The following PRR16 variants were observed in gnomAD, a reference collection of about 807,000 sequenced individuals.
The protein encoded by PRR16 is protein Largen.
PRR16 carries 6 observed loss-of-function variants against 18.2 expected under a neutral mutation model. The observed-to-expected ratio is 0.33, with a 90% CI of 0.18 to 0.65. The LOEUF is 0.65. Ranked by LOEUF, PRR16 falls within the 30% of genes least tolerant of loss-of-function variation. The probability of loss-of-function intolerance (pLI) is 0.74; values close to 1 mark genes in which losing one functional copy is unlikely to be tolerated. For missense variants in PRR16, 412 were observed against 376.6 expected (o/e 1.09, Z -0.78); for synonymous variants, 151 against 147.8 (o/e 1.02, Z -0.16).
chr5:120,649,341 G>A (rs1432785551), intron 1 of PRR16, among the ~76,000 whole-genome samples: 3 of 152,088 alleles, frequency 2.0e-5, no homozygotes, highest in African/African-American at 7.2e-5. Flanking sequence ...GATTTATAGT[G>A]TATGACAGTC....
the PRR16 span, among the ~76,000 whole-genome samples, chr5:120,704,187 G>A: frequency 6.6e-6 from 1 of 152,148 alleles, no homozygotes; most frequent in East Asian, 1.9e-4. Context: ...TTTGTTGGTG[G>A]TGGAGAAGGA....
intron 1 of PRR16, among the ~76,000 whole-genome samples, chr5:120,651,602 T>C (rs1755791797): frequency 1.3e-5 from 2 of 152,242 alleles, no homozygotes; most frequent in South Asian, 4.1e-4. Flanking sequence ...TCCCCATTTC[T>C]TGTTTTTGTC....
Position 120,686,253 on chromosome 5 carries a change from T to C in PRR16, c.459T>C (p.Leu153=), listed in dbSNP as rs963641209. The stretch of plus-strand genomic sequence containing the variant: ...ATCCTGTAAAAACCAATGGCACCCT[T>C]CTACGAAATGGAGGCTTACCAGGTG... ...TANPVKTNGT[L]LRNGGLPGGP... is the part of the protein sequence containing the mutation. The change falls in exon 2 of 2, where the codon CTT becomes CTC. Residue 153 remains leucine, a synonymous_variant. Coordinates refer to ENST00000407149, the MANE Select transcript of PRR16 (RefSeq NM_001300783.2). 1 of 1,613,864 alleles carries C rather than the reference T, an allele frequency of 6.2e-7. No homozygotes were observed. Among genetic ancestry groups the C allele is most frequent in the South Asian group, 1.1e-5 (1 of 91,074 alleles).
the PRR16 span, among the ~76,000 whole-genome samples, chr5:120,735,852 C>T: frequency 6.6e-6 from 1 of 152,122 alleles, no homozygotes; most frequent in African/African-American, 2.4e-5. Flanking sequence ...TGTATTTTTG[C>T]TTTCATTGCC....
chr5:120,666,229 G>T (rs1362547173), intron 1 of PRR16, among the ~76,000 whole-genome samples: 1 of 152,156 alleles, frequency 6.6e-6, no homozygotes, highest in Non-Finnish European at 1.5e-5. Flanking sequence ...AATTGTGAAT[G>T]GGAATTCACT....
At chr5:120,623,622 C>G (rs556004597) in intron 1 of PRR16, among the ~76,000 whole-genome samples, 4 of 152,074 alleles carry the variant, frequency 2.6e-5, no homozygotes, top group Admixed American at 2.6e-4. Flanking sequence ...TTACCCTTAC[C>G]CATGTTATCA....
chr5:120,549,465 T>C (rs1580713256), intron 1 of PRR16, among the ~76,000 whole-genome samples: 1 of 152,026 alleles, frequency 6.6e-6, no homozygotes. Context: ...TTATTAAGAA[T>C]TGGAAGTGGC....
chr5:120,580,247 G>A (rs1273149732), intron 1 of PRR16, among the ~76,000 whole-genome samples: 1 of 151,880 alleles, frequency 6.6e-6, no homozygotes, highest in Non-Finnish European at 1.5e-5. Flanking sequence ...GATTGCTCTG[G>A]CCAGAACTTC....
chr5:120,498,873 A>T (rs1750348631), intron 1 of PRR16, among the ~76,000 whole-genome samples: 1 of 152,012 alleles, frequency 6.6e-6, no homozygotes, highest in Admixed American at 6.6e-5. Flanking sequence ...ATGGTTTCTA[A>T]TAAAAATTTC....
chr5:120,729,425 A>G, the PRR16 span, among the ~76,000 whole-genome samples: 8 of 152,264 alleles, frequency 5.3e-5, no homozygotes, highest in Non-Finnish European at 7.4e-5. Context: ...GTTGTATGAA[A>G]ACATCTAGCC....
chr5:120,616,182 C>T (rs898443366), intron 1 of PRR16, among the ~76,000 whole-genome samples: 2 of 152,112 alleles, frequency 1.3e-5, no homozygotes, highest in African/African-American at 4.8e-5. Context: ...ATTGAGCAAG[C>T]TGGATGATCT....
intron 1 of PRR16, among the ~76,000 whole-genome samples, chr5:120,581,141 C>T (rs967078183): frequency 2.6e-5 from 4 of 152,088 alleles, no homozygotes; most frequent in South Asian, 4.1e-4. Flanking sequence ...CCTGTAAATC[C>T]GTCTGGTCAG....
At chr5:120,649,816 A>G (rs1041147196) in intron 1 of PRR16, among the ~76,000 whole-genome samples, 5 of 152,068 alleles carry the variant, frequency 3.3e-5, no homozygotes, top group Non-Finnish European at 7.4e-5. Context: ...TATCTTGCTT[A>G]TTATATTTTT....
chr5:120,464,916 CTG>C (rs772966063), intron 1 of PRR16, among the ~76,000 whole-genome samples: 52 of 151,964 alleles, frequency 3.4e-4, no homozygotes, highest in Non-Finnish European at 6.5e-4. Flanking sequence ...GTCTCTGAAT[CTG>C]TGTGTGTGAC....
the PRR16 span, among the ~76,000 whole-genome samples, chr5:120,763,018 G>T: frequency 5.3e-5 from 8 of 152,206 alleles, no homozygotes; most frequent in Admixed American, 5.2e-4. Flanking sequence ...ATGTACTAAA[G>T]ATAATGTACT....
At chr5:120,553,578 G>A (rs1752323014) in intron 1 of PRR16, among the ~76,000 whole-genome samples, 1 of 151,948 alleles carries the variant, frequency 6.6e-6, no homozygotes, top group East Asian at 1.9e-4. Flanking sequence ...TTCTTGCAGA[G>A]AGATTTTAAA....
intron 1 of PRR16, among the ~76,000 whole-genome samples, chr5:120,489,483 T>G (rs1209599646): frequency 1.3e-5 from 2 of 152,164 alleles, no homozygotes; most frequent in Admixed American, 1.3e-4. Flanking sequence ...GCCCCTGCCT[T>G]TTTTTGTTTT....
intron 1 of PRR16, chr5:120,481,428 G>C (rs1166296811): frequency 4.2e-6 from 1 of 239,412 alleles, no homozygotes; most frequent in African/African-American, 2.3e-5. Flanking sequence ...ACCACGCCTG[G>C]CCCGTTTTAA....
At position 120,686,653 on chromosome 5, in the gene PRR16, A is replaced by G. The variant is rs1340472989; in HGVS notation, c.859A>G (p.Thr287Ala). The G allele has an allele frequency of 6.3e-7, 1 of 1,588,282 alleles. No individual in the cohort carries two copies. The highest frequency in any genetic ancestry group is 1.7e-5 in the Admixed American group (1 of 57,942). The change falls in exon 2 of 2, where the codon ACT (threonine) becomes GCT (alanine). Residue 287 changes from threonine (T) to alanine (A), a missense_variant. Physicochemically the swap from Thr to Ala is moderately conservative, Grantham distance 58. Coordinates refer to ENST00000407149, the MANE Select transcript of PRR16 (RefSeq NM_001300783.2). Reference protein sequence around the residue: ...PIRPATVPPPTAPKPQKTILR... With the variant: ...PIRPATVPPPAAPKPQKTILR... ...CAGACCTGCAACTGTGCCTCCTCCC[A>G]CTGCACCAAAACCACAGAAGACGAT...
Sources: gnomAD v4.1 joint callset for allele counts (sites outside exome capture counted in the v4.1 genomes callset) on GRCh38, gnomAD v4.1.1 for gene constraint, MANE v1.5 for transcripts, NCBI Gene and HGNC (gene_info 2026-07-23, HGNC 2026-07-21) for gene names.